The following CELSR1 variants were observed in gnomAD, a reference collection of about 807,000 sequenced individuals.
CELSR1 encodes adhesion G protein-coupled receptor C1.
Under a neutral mutation model 249.1 loss-of-function variants are expected in CELSR1, and 110 were observed. The ratio of observed to expected loss-of-function variants is 0.44; its 90% CI spans 0.38 to 0.52. The LOEUF is 0.52. Ranked by LOEUF, CELSR1 falls within the 20% of genes least tolerant of loss-of-function variation. The pLI, the probability that CELSR1 is intolerant of heterozygous loss-of-function variation, is 0.00. For missense variants in CELSR1, 4,109 were observed against 4,296.4 expected, an observed-to-expected ratio of 0.96 and a Z score of 1.22; for synonymous variants, 2,113 against 1,900.0, an observed-to-expected ratio of 1.11 and a Z score of -2.92.
intron 23 of CELSR1, chr22:46,377,731 GCC>G: frequency 1.1e-5 from 2 of 186,702 alleles, no homozygotes; most frequent in South Asian, 1.1e-4. Flanking sequence ...AGTGACATTT[GCC>G]CATGAGACAG....
rs1273069009 is a variant in CELSR1, at chr22:46,445,822, C to T, written c.4184-6411G>A. ...CCAGGACTCCCCGGGTGCTGTTCTCCCTGCTTGCAGGAGATGCTGCTCCTG... is the reference window on the plus strand; with the variant it reads ...CCAGGACTCCCCGGGTGCTGTTCTCTCTGCTTGCAGGAGATGCTGCTCCTG... On this transcript the variant is annotated intron_variant, in intron 2 of 34. Coordinates refer to ENST00000674500, the MANE Select transcript of CELSR1 (RefSeq NM_001378328.1). This position sits in a 1 kb window ranked among gnomAD's most constrained non-coding sequence, Gnocchi z 4.4. 1.3e-5 allele frequency among the ~76,000 whole-genome samples: 2 copies of T among 152,224 alleles called. No homozygotes were observed. The highest frequency in any genetic ancestry group is 4.8e-5 in the African/African-American group (2 of 41,470).
intron 2 of CELSR1, among the ~76,000 whole-genome samples, chr22:46,462,578 AG>A (rs1408771403): frequency 6.6e-6 from 1 of 151,930 alleles, no homozygotes; most frequent in Non-Finnish European, 1.5e-5. Flanking sequence ...TCGAGGACAC[AG>A]TCGATGGAAG....
chr22:46,492,021 C>T (rs5768827), intron 1 of CELSR1, among the ~76,000 whole-genome samples: 67,553 of 152,104 alleles, frequency 0.44, 17,437 homozygotes, highest in African/African-American at 0.73. Flanking sequence ...TCGCAAGTGC[C>T]TAGCAAAAGG....
At position 46,398,706 on chromosome 22, in the gene CELSR1, A is replaced by C; in HGVS notation, c.5413-69T>G. The C allele has an allele frequency of 8.1e-7, 1 of 1,239,920 alleles. No homozygotes were observed. The allele number at this position is 1,239,920 out of a possible 1,614,324, so 76.8% of individuals were successfully genotyped here. On this transcript the variant is annotated intron_variant, in intron 10 of 34. Coordinates refer to ENST00000674500, the MANE Select transcript of CELSR1 (RefSeq NM_001378328.1). This position sits in a 1 kb window ranked among gnomAD's most constrained non-coding sequence, Gnocchi z 7.2. The stretch of plus-strand genomic sequence containing the variant: ...ATCCTAGAAACGTCTCTCAGATGGG[A>C]AGGATACACTGGAAGTCTAAACAGT...
chr22:46,408,716 C>G lies in CELSR1; in HGVS notation c.5226+280G>C, dbSNP rs112324794. On this transcript the variant is annotated intron_variant, in intron 9 of 34. Transcript: ENST00000674500. The surrounding 1 kb of genome is among the most constrained non-coding windows in gnomAD (Gnocchi z 4.6). ...ACCTCCCTCAGTTCTGCAATGCCCA[C>G]GCTCCAGCCAAACCCTCAGGCTAGA... is the stretch of plus-strand genomic sequence containing the variant. Among the ~76,000 whole-genome samples the G allele has an allele frequency of 5.9e-5, 9 of 152,224 alleles. No individual in the cohort carries two copies. The highest frequency in any genetic ancestry group is 3.3e-4 in the Admixed American group (5 of 15,284).
rs2079317097 is a variant in CELSR1, at chr22:46,410,245, G to A, written c.4933+153C>T. ...ATGCACATCTCCAGCCTGGACTCCGGGTTCCATCCCAGGAGCTGCCCACCG... is the reference window on the plus strand; with the variant it reads ...ATGCACATCTCCAGCCTGGACTCCGAGTTCCATCCCAGGAGCTGCCCACCG... On this transcript the variant is annotated intron_variant, in intron 7 of 34. Transcript: ENST00000674500. The surrounding 1 kb of genome is among the most constrained non-coding windows in gnomAD (Gnocchi z 6.8). Among the ~76,000 whole-genome samples the A allele has an allele frequency of 6.6e-6, 1 of 152,196 alleles. No homozygotes were observed.
intron 24 of CELSR1, among the ~76,000 whole-genome samples, chr22:46,373,662 G>A (rs1444906077): frequency 7.7e-6 from 1 of 129,580 alleles, no homozygotes; most frequent in East Asian, 2.5e-4. Context: ...GGGAGATGGG[G>A]GAGAAGGGGG....
Position 46,381,026 on chromosome 22 carries a change from T to C in CELSR1, c.7089-71A>G. ...CATCTGCTTAAATCCCGCGCACAAA[T>C]GCCCTGAGGACACGCCATGATGTGT... On this transcript the variant is annotated intron_variant, in intron 21 of 34. Transcript: ENST00000674500. This position sits in a 1 kb window ranked among gnomAD's most constrained non-coding sequence, Gnocchi z 6.0. 9 of 1,478,822 alleles carry C rather than the reference T, an allele frequency of 6.1e-6. No homozygotes were observed. The highest frequency in any genetic ancestry group is 8.4e-6 in the Non-Finnish European group (9 of 1,074,866). 91.6% of individuals were successfully genotyped at this position (1,478,822 alleles called of 1,614,324 possible).
At chr22:46,481,501 C>A (rs535495148) in intron 1 of CELSR1, 57 of 1,541,490 alleles carry the variant, frequency 3.7e-5, no homozygotes, top group Non-Finnish European at 4.9e-5. Context: ...CGTGGTGCAC[C>A]GGACCAGGTG....
rs769030029 is a variant in CELSR1 at position 46,534,872 on chromosome 22, C to A, written c.2299G>T (p.Gly767Cys). 6.2e-7 allele frequency: 1 copy of A among 1,612,560 alleles called. No homozygotes were observed. The highest frequency in any genetic ancestry group is 1.3e-5 in the African/African-American group (1 of 74,894). ...ACATGCGCAGTGTGCGACCGTGTGCCGTCGGATGCTGTCACCGCCAGCACG... is the reference window on the plus strand; with the variant it reads ...ACATGCGCAGTGTGCGACCGTGTGCAGTCGGATGCTGTCACCGCCAGCACG... ...QYVLAVTASDGTRSHTAHVLI... is the reference protein window; with the variant it reads ...QYVLAVTASDCTRSHTAHVLI... Residue 767 changes from glycine to cysteine, a missense_variant, in exon 1 of 35, where the codon GGC becomes TGC. Gly to Cys is a radical substitution (Grantham distance 159). Around this residue, in one of 7 missense-constraint regions of CELSR1, gnomAD observed 886 missense variants for 896.5 expected, o/e 0.99. Transcript: ENST00000674500. The surrounding 1 kb of genome is among the most constrained non-coding windows in gnomAD (Gnocchi z 9.7).
chr22:46,462,037 C>G (rs2080034630), intron 2 of CELSR1, among the ~76,000 whole-genome samples: 1 of 152,244 alleles, frequency 6.6e-6, no homozygotes, highest in Non-Finnish European at 1.5e-5. Flanking sequence ...CTGCTCATAC[C>G]TGGAGTCGTC....
In CELSR1 at chr22:46,484,354, G is replaced by A. The variant is rs935014434; in HGVS notation, c.3545-20009C>T. Among the ~76,000 whole-genome samples the A allele has an allele frequency of 6.6e-6, 1 of 152,110 alleles. No homozygotes were observed. The highest frequency in any genetic ancestry group is 2.4e-5 in the African/African-American group (1 of 41,436). On this transcript the variant is annotated intron_variant, in intron 1 of 34. Coordinates refer to ENST00000674500, the MANE Select transcript of CELSR1 (RefSeq NM_001378328.1). This position sits in a 1 kb window ranked among gnomAD's most constrained non-coding sequence, Gnocchi z 4.5. ...CAGCCCATGGTGGCAGCTGCCTCGG[G>A]CCCAGCCCTCCTCAGAAATGCAGGC...
At chr22:46,366,721 C>T (rs920835105) in intron 29 of CELSR1, among the ~76,000 whole-genome samples, 1 of 152,186 alleles carries the variant, frequency 6.6e-6, no homozygotes, top group East Asian at 1.9e-4. Flanking sequence ...TCCCTACGGC[C>T]ACTGCTTCTG....
chr22:46,409,240 G>GGGCCTGC lies in CELSR1; in HGVS notation c.5060-85_5060-79dup. 2 of 1,491,184 alleles carry GGGCCTGC rather than the reference G, an allele frequency of 1.3e-6. No individual in the cohort carries two copies. Among genetic ancestry groups the GGGCCTGC allele is most frequent in the Non-Finnish European group, 1.8e-6 (2 of 1,088,992 alleles). 92.4% of individuals were successfully genotyped at this position (1,491,184 alleles called of 1,614,324 possible). A position where few individuals can be genotyped will look rare whatever the true frequency, so the allele number is the denominator to read the frequency against. On this transcript the variant is annotated intron_variant, in intron 8 of 34. Transcript: ENST00000674500. The surrounding 1 kb of genome is among the most constrained non-coding windows in gnomAD (Gnocchi z 9.8). The stretch of plus-strand genomic sequence containing the variant: ...GGACTTGGCTGCAGGGGCGGGGGAT[G>GGGCCTGC]GGCCTGCAGGCTAGGCCTGGGCCTT...
At chr22:46,531,492 C>T (rs535277847) in intron 1 of CELSR1, among the ~76,000 whole-genome samples, 1 of 152,350 alleles carries the variant, frequency 6.6e-6, no homozygotes, top group East Asian at 1.9e-4. Context: ...AGGCATGAGC[C>T]ACTGCGCCTG....
rs2079287809 is a variant in CELSR1, at chr22:46,408,161, G to A, written c.5226+835C>T. ...GCATTCGAATCACCTTCTAAAAGCT[G>A]TTCGGAATTTTTATCCAACAAATAA... On this transcript the variant is annotated intron_variant, in intron 9 of 34. Coordinates refer to ENST00000674500, the MANE Select transcript of CELSR1 (RefSeq NM_001378328.1). The surrounding 1 kb of genome is among the most constrained non-coding windows in gnomAD (Gnocchi z 4.6). 6.6e-6 allele frequency among the ~76,000 whole-genome samples: 1 copy of A among 152,264 alleles called. No individual in the cohort carries two copies. The highest frequency in any genetic ancestry group is 1.5e-5 in the Non-Finnish European group (1 of 68,050).
intron 28 of CELSR1, 59 bp from the exon 29 acceptor site, chr22:46,367,177 G>C (rs1208060529): frequency 1.9e-6 from 3 of 1,578,922 alleles, no homozygotes; most frequent in African/African-American, 2.7e-5. Context: ...CCTGCCCTTA[G>C]GCGCCCCAGC....
rs1183964553 is a variant in CELSR1, at chr22:46,396,729, A to G, written c.5719T>C (p.Cys1907Arg). The G allele has an allele frequency of 1.9e-6, 3 of 1,612,798 alleles. No individual in the cohort carries two copies. The highest frequency in any genetic ancestry group is 1.7e-6 in the Non-Finnish European group (2 of 1,179,484). The stretch of plus-strand genomic sequence containing the variant: ...GGGTTCAGGTGACAGGCATCCACAC[A>G]GTTTATTCCAAGGTACCCTGCAAGG... ...VCDKGYLGIN[C>R]VDACHLNPCE... The change falls in exon 13 of 35, where the codon TGT (cysteine) becomes CGT (arginine). Residue 1907 changes from cysteine (C) to arginine (R), a missense_variant. Coordinates refer to ENST00000674500, the MANE Select transcript of CELSR1 (RefSeq NM_001378328.1). The surrounding 1 kb of genome is among the most constrained non-coding windows in gnomAD (Gnocchi z 6.4).
chr22:46,425,326 G>C (rs1569154168), intron 5 of CELSR1, among the ~76,000 whole-genome samples: 1 of 152,178 alleles, frequency 6.6e-6, no homozygotes, highest in Non-Finnish European at 1.5e-5. Context: ...ACTGGGAAGT[G>C]CTCTCTATTT....
Sources: gnomAD v4.1 joint callset for allele counts (sites outside exome capture counted in the v4.1 genomes callset) on GRCh38, gnomAD v4.1.1 for gene constraint, gnomAD v4.1.1 regional missense constraint, Gnocchi (gnomAD v3.1) non-coding constraint, MANE v1.5 for transcripts, NCBI Gene and HGNC (gene_info 2026-07-23, HGNC 2026-07-21) for gene names.